Variants in AVIL observed in about 807,000 individuals in gnomAD.
AVIL encodes advillin.
A neutral mutation model predicts 109.9 loss-of-function variants in AVIL; 78 were observed. The observed-to-expected ratio is 0.71, with a 90% CI of 0.59 to 0.86. The LOEUF (loss-of-function observed/expected upper bound fraction) is 0.86, where lower values mean the gene tolerates loss of function less well. AVIL is among the 40% of genes least tolerant of loss of function. The pLI, the probability that AVIL is intolerant of heterozygous loss-of-function variation, is 0.00. For missense variants in AVIL, 892 were observed against 1,016.5 expected, an observed-to-expected ratio of 0.88 and a Z score of 1.67; for synonymous variants, 367 against 379.1, an observed-to-expected ratio of 0.97 and a Z score of 0.37.
intron 4 of AVIL, among the ~76,000 whole-genome samples, chr12:57,812,163 C>T (rs74604497): frequency 6.6e-6 from 1 of 152,262 alleles, no homozygotes; most frequent in African/African-American, 2.4e-5. Flanking sequence ...GTAGCTAGGA[C>T]TATAGGAGTG....
intron 4 of AVIL, among the ~76,000 whole-genome samples, chr12:57,812,806 T>G (rs1166891502): frequency 3.3e-5 from 5 of 152,212 alleles, no homozygotes; most frequent in African/African-American, 1.2e-4. Flanking sequence ...TGCATAATAC[T>G]CCGTGGTGTG....
Position 57,803,359 on chromosome 12 carries a change from CGA to C in AVIL, c.1848_1849del (p.Arg617SerfsTer3), listed in dbSNP as rs781632192. ...GGTCTTATTGGAACATTCAAAGAGA[CGA>C]GACTGGACATCTAGGATTTCCTGCT... On this transcript the variant is annotated frameshift_variant, in exon 16 of 20. Transcript: ENST00000549994. LOFTEE classifies it high-confidence loss of function. The C allele has an allele frequency of 3.7e-6, 6 of 1,614,038 alleles. No individual in the cohort carries two copies. The African/African-American group carries it at 8.0e-5, about 22-fold the overall frequency.
chr12:57,818,182 CTTTTTTTTTTTTTTTTTT>C (rs66731427), intron 1 of AVIL, among the ~76,000 whole-genome samples: 138 of 35,284 alleles, frequency 3.9e-3, no homozygotes, highest in Admixed American at 9.8e-3. Context: ...CCATGCTTGG[CTTTTTTTTTTTTTTTTTT>C]TTTTTTTTTT....
intron 14 of AVIL, 30 bp downstream of exon 14, chr12:57,806,330 C>G (rs769002961): frequency 1.2e-6 from 2 of 1,613,042 alleles, no homozygotes; most frequent in Non-Finnish European, 8.5e-7. Context: ...CTCCGAGGGG[C>G]TGGTCTGACC....
intron 16 of AVIL, 170 bp from the exon 17 acceptor site, chr12:57,802,518 G>C (rs1437740482): frequency 2.4e-6 from 2 of 828,740 alleles, no homozygotes; most frequent in Non-Finnish European, 4.0e-6. Flanking sequence ...GAATCAGCTT[G>C]ATGTTTATCA....
chr12:57,814,202 C>T lies in AVIL; in HGVS notation c.91G>A (p.Val31Met), dbSNP rs1956073714. 3 of 1,613,028 alleles carry T rather than the reference C, an allele frequency of 1.9e-6. No individual in the cohort carries two copies. The highest frequency in any genetic ancestry group is 2.5e-6 in the Non-Finnish European group (3 of 1,179,804). The change falls in exon 3 of 20, where the codon GTG becomes ATG. Residue 31 changes from valine to methionine, a missense_variant. Physicochemically the swap from Val to Met is conservative, Grantham distance 21 (BLOSUM62 1). Transcript: ENST00000549994. ...IEKMELALVP[V>M]SAHGNFYEGD... ...TCATAGAAGTTGCCGTGGGCGCTCA[C>T]AGGCACCAGCGCCAGCTCCATTTTC... is the stretch of plus-strand genomic sequence containing the variant.
chr12:57,801,135 C>G lies in AVIL; in HGVS notation c.2220+9G>C, dbSNP rs1254901205. On this transcript the variant is annotated intron_variant, in intron 18 of 19. Transcript: ENST00000549994. ...TGGCTGGCTTCTCCCAAGAGCGAAC[C>G]CGACTCACAGCAGTGATTCGCATGA... 1 of 1,612,792 alleles carries G rather than the reference C, an allele frequency of 6.2e-7. No homozygotes were observed. Among genetic ancestry groups the G allele is most frequent in the Non-Finnish European group, 8.5e-7 (1 of 1,179,430 alleles).
intron 4 of AVIL, 106 bp from the exon 5 acceptor site, chr12:57,811,233 A>C: frequency 9.5e-7 from 1 of 1,056,752 alleles, no homozygotes; most frequent in South Asian, 1.4e-5. Context: ...ATGACAGTAC[A>C]TCAGCAAGGT....
Position 57,797,952 on chromosome 12 carries a change from G to A in AVIL, c.2390C>T (p.Thr797Ile). 10 of 1,613,224 alleles carry A rather than the reference G, an allele frequency of 6.2e-6. No homozygotes were observed. Among genetic ancestry groups the A allele is most frequent in the Non-Finnish European group, 8.5e-6 (10 of 1,179,546 alleles). ...AGGCAGAGCTGCAAATTGCCCTCTT[G>A]TGATGCCAAACACAGACACAAAGTC... ...EQDFVSVFGI[T>I]RGQFAALPGW... The change falls in exon 20 of 20, where the codon ACA becomes ATA. Residue 797 changes from threonine (T) to isoleucine (I), a missense_variant. Coordinates refer to ENST00000549994, the MANE Select transcript of AVIL (RefSeq NM_006576.4).
chr12:57,802,153 T>G lies in AVIL; in HGVS notation c.2151+7A>C, dbSNP rs775095215. The G allele has an allele frequency of 1.2e-6, 2 of 1,613,740 alleles. No homozygotes were observed. The highest frequency in any genetic ancestry group is 4.5e-5 in the East Asian group (2 of 44,882). ...GAAGTTAGAGCTTCCCTACTCTCTT[T>G]TCTTACACTCCAAATGTTAGGGTCC... On this transcript the variant is annotated splice_region_variant and intron_variant, in intron 17 of 19. Coordinates refer to ENST00000549994, the MANE Select transcript of AVIL (RefSeq NM_006576.4).
rs12582311 is a variant in AVIL at position 57,809,481 on chromosome 12, A to G, written c.939+116T>C. 278,751 of 1,204,402 alleles carry G rather than the reference A, an allele frequency of 0.23. 34,803 individuals are homozygous for G. The highest frequency in any genetic ancestry group is 0.39 in the African/African-American group (25,694 of 66,434). 74.6% of individuals were successfully genotyped at this position (1,204,402 alleles called of 1,614,324 possible). ...GTTTGTCTGCCTGACTTTGCAGTCC[A>G]TGTACGTAAGCACAATGTTATATGC... On this transcript the variant is annotated intron_variant, in intron 9 of 19. Coordinates refer to ENST00000549994, the MANE Select transcript of AVIL (RefSeq NM_006576.4).
At chr12:57,800,916 G>A (rs1398978712) in intron 18 of AVIL, among the ~76,000 whole-genome samples, 1 of 152,138 alleles carries the variant, frequency 6.6e-6, no homozygotes, top group Non-Finnish European at 1.5e-5. Flanking sequence ...CCCCATTTTT[G>A]TTGTTTTTAC....
At chr12:57,807,021 G>A (rs1423328445) in intron 13 of AVIL, among the ~76,000 whole-genome samples, 1 of 152,196 alleles carries the variant, frequency 6.6e-6, no homozygotes, top group Non-Finnish European at 1.5e-5. Flanking sequence ...TACACGTGAG[G>A]TCTAATGAAG....
chr12:57,816,234 G>A (rs1956099951), intron 1 of AVIL, 175 bp from the exon 2 acceptor site: 1 of 573,460 alleles, frequency 1.7e-6, no homozygotes, highest in Admixed American at 3.6e-5. Context: ...AGTGCACATG[G>A]TGAGCCTGGC....
In AVIL at chr12:57,803,608, C is replaced by T; in HGVS notation, c.1733G>A (p.Ser578Asn). 6.2e-7 allele frequency: 1 copy of T among 1,614,186 alleles called. No homozygotes were observed. ...KELASLLCDGSENTVAEGQEP... is the reference protein window; with the variant it reads ...KELASLLCDGNENTVAEGQEP... ...CTGGCCCTCGGCCACAGTGTTCTCG[C>T]TGCCATCACAGAGAAGGCTGGCCAG... Residue 578 changes from serine (S) to asparagine (N), a missense_variant, in exon 15 of 20, where the codon AGC (serine) becomes AAC (asparagine). Transcript: ENST00000549994.
Position 57,806,133 on chromosome 12 carries a change from CTTTTTTTT to C in AVIL, c.1671+219_1671+226del, listed in dbSNP as rs372846869. The C allele has an allele frequency of 3.1e-3, 441 of 142,464 alleles. 3 individuals are homozygous for C. Among genetic ancestry groups the C allele is most frequent in the Non-Finnish European group, 3.8e-3 (304 of 79,604 alleles). 8.8% of individuals were successfully genotyped at this position (142,464 alleles called of 1,614,324 possible). A position where few individuals can be genotyped will look rare whatever the true frequency, so the allele number is the denominator to read the frequency against. ...TACAGGGATGAGCCACCGTGCCCAG[CTTTTTTTT>C]TTTTTTTTTTTTTTTAATATCAAAC... On this transcript the variant is annotated intron_variant, in intron 14 of 19. Coordinates refer to ENST00000549994, the MANE Select transcript of AVIL (RefSeq NM_006576.4).
At chr12:57,812,076 G>T (rs1956045223) in intron 4 of AVIL, among the ~76,000 whole-genome samples, 1 of 151,956 alleles carries the variant, frequency 6.6e-6, no homozygotes, top group Admixed American at 6.6e-5. Flanking sequence ...TTGCAGCCTT[G>T]ACCTCCCGGG....
intron 4 of AVIL, among the ~76,000 whole-genome samples, chr12:57,811,374 C>T (rs1462603615): frequency 1.3e-5 from 2 of 152,064 alleles, no homozygotes; most frequent in Non-Finnish European, 1.5e-5. Context: ...GAACCAATAC[C>T]CAGAAGAATA....
rs558494838 is a variant in AVIL at position 57,818,330 on chromosome 12, T to A, written c.-20+299A>T. On this transcript the variant is annotated intron_variant, in intron 1 of 19. Transcript: ENST00000549994. ...GTTGGGATTACAGGTGTAAGCCACCTCTCTGGGCCAGGAAGCTGGTTTTAA... is the reference window on the plus strand; with the variant it reads ...GTTGGGATTACAGGTGTAAGCCACCACTCTGGGCCAGGAAGCTGGTTTTAA... 2.9e-4 allele frequency among the ~76,000 whole-genome samples: 44 copies of A among 151,526 alleles called. 1 individual carries two copies. Among genetic ancestry groups the A allele is most frequent in the African/African-American group, 1.1e-3 (44 of 41,298 alleles).
Sources: allele counts gnomAD v4.1 joint callset (sites outside exome capture counted in the v4.1 genomes callset), GRCh38; gene constraint gnomAD v4.1.1; transcripts MANE v1.5; gene names NCBI Gene and HGNC (gene_info 2026-07-23, HGNC 2026-07-21).